Variants in GPC5 observed in about 807,000 individuals in gnomAD.
GPC5 encodes the protein glypican 5.
In GPC5, 47 loss-of-function variants were observed where a neutral mutation model predicts 53.9. That is an observed-to-expected ratio of 0.87 (90% CI 0.69 to 1.11). GPC5 has a LOEUF of 1.11. Among genes scored for constraint, GPC5 ranks in the 50% most tolerant of loss-of-function variants. The pLI is 0.00. For synonymous variants in GPC5, 286 were observed against 263.3 expected (o/e 1.09, Z -0.84); for missense variants, 748 against 713.1 (o/e 1.05, Z -0.56).
At chr13:91,955,127 T>A (rs1386290967) in intron 6 of GPC5, among the ~76,000 whole-genome samples, 1 of 152,150 alleles carries the variant, frequency 6.6e-6, no homozygotes, top group East Asian at 1.9e-4. Context: ...ACTAGAAAAC[T>A]CAATATTGTA....
In GPC5 at chr13:92,207,467, A is replaced by C. The variant is rs146512666; in HGVS notation, c.1561+62478A>C. Among the ~76,000 whole-genome samples, 1,441 of 152,326 alleles carry C rather than the reference A, an allele frequency of 9.5e-3. 22 individuals are homozygous for C. Among genetic ancestry groups the C allele is most frequent in the African/African-American group, 0.032 (1,332 of 41,570 alleles). ...AAAGTTGAGAACATGTGGGGAAAAG[A>C]AAAAAGTCTAGTCCTACACTATCTG... On this transcript the variant is annotated intron_variant, in intron 7 of 7. Coordinates refer to ENST00000377067, the MANE Select transcript of GPC5 (RefSeq NM_004466.6).
chr13:91,954,025 A>G (rs538058395), intron 6 of GPC5, among the ~76,000 whole-genome samples: 30 of 152,220 alleles, frequency 2.0e-4, no homozygotes, highest in Admixed American at 3.9e-4. Context: ...TTAGGAAAAA[A>G]AACTTTCTTA....
At chr13:91,478,795 T>TTATATATATATA (rs757436599) in intron 2 of GPC5, among the ~76,000 whole-genome samples, 4,122 of 54,544 alleles carry the variant, frequency 0.076, 182 homozygotes, top group Non-Finnish European at 0.096. Flanking sequence ...CCATTTGAGT[T>TTATATATATATA]TATATATATA....
intron 7 of GPC5, among the ~76,000 whole-genome samples, chr13:92,443,432 A>T (rs1877660033): frequency 6.6e-6 from 1 of 152,218 alleles, no homozygotes; most frequent in East Asian, 1.9e-4. Context: ...GATAAAATGG[A>T]TATAGAAACA....
chr13:91,654,694 A>G (rs1365499005), intron 2 of GPC5, among the ~76,000 whole-genome samples: 6 of 152,160 alleles, frequency 3.9e-5, no homozygotes, highest in African/African-American at 9.6e-5. Flanking sequence ...TACTATTGCA[A>G]ATTGTATTTA....
intron 4 of GPC5, among the ~76,000 whole-genome samples, chr13:91,747,377 A>G (rs140620236): frequency 2.0e-5 from 3 of 152,288 alleles, no homozygotes; most frequent in Admixed American, 6.5e-5. Context: ...AGCAATAACT[A>G]TGCTAGTCCA....
chr13:92,301,421 C>CTGAAA (rs2043074596), intron 7 of GPC5, among the ~76,000 whole-genome samples: 1 of 151,732 alleles, frequency 6.6e-6, no homozygotes, highest in Non-Finnish European at 1.5e-5. Context: ...TTAAAAAATA[C>CTGAAA]AGTAGCAAGA....
Position 91,908,583 on chromosome 13 carries a change from C to T in GPC5, c.1401+526C>T, listed in dbSNP as rs367827877. 2.0e-5 allele frequency among the ~76,000 whole-genome samples: 3 copies of T among 152,068 alleles called. No homozygotes were observed. In the East Asian group the frequency reaches 5.8e-4, roughly 29 times the overall value. ...TTATGAAATATTTCTGTTTTATCTTCAATAATGTTTTTCATCAAGTAGTGT... is the reference window on the plus strand; with the variant it reads ...TTATGAAATATTTCTGTTTTATCTTTAATAATGTTTTTCATCAAGTAGTGT... On this transcript the variant is annotated intron_variant, in intron 6 of 7. Transcript: ENST00000377067.
chr13:91,714,717 G>A (rs2036298541), intron 3 of GPC5, among the ~76,000 whole-genome samples: 2 of 151,952 alleles, frequency 1.3e-5, no homozygotes, highest in South Asian at 4.1e-4. Flanking sequence ...AGTTAGAGAA[G>A]CAAGCAAAAT....
At chr13:92,617,260 G>T (rs1038341325) in intron 7 of GPC5, among the ~76,000 whole-genome samples, 11 of 152,114 alleles carry the variant, frequency 7.2e-5, no homozygotes, top group Non-Finnish European at 1.6e-4. Flanking sequence ...CTCACAACAA[G>T]TATTGCCACC....
chr13:91,501,197 G>A (rs534072616), intron 2 of GPC5, among the ~76,000 whole-genome samples: 10 of 148,402 alleles, frequency 6.7e-5, no homozygotes, highest in East Asian at 2.0e-4. Context: ...GAAGTTATTC[G>A]TAACAGCAAC....
At chr13:91,914,932 G>T (rs1412647713) in intron 6 of GPC5, among the ~76,000 whole-genome samples, 2 of 152,130 alleles carry the variant, frequency 1.3e-5, no homozygotes, top group Non-Finnish European at 2.9e-5. Flanking sequence ...CATACCGAAT[G>T]AGTTAATCAT....
chr13:91,546,923 A>C (rs2030327452), intron 2 of GPC5, among the ~76,000 whole-genome samples: 1 of 152,090 alleles, frequency 6.6e-6, no homozygotes, highest in Admixed American at 6.6e-5. Flanking sequence ...AGCAGCAGTA[A>C]TCTTCCTTGG....
At chr13:92,769,800 C>T (rs1403766198) in intron 7 of GPC5, among the ~76,000 whole-genome samples, 1 of 152,200 alleles carries the variant, frequency 6.6e-6, no homozygotes, top group Non-Finnish European at 1.5e-5. Flanking sequence ...TCAGCTTAAA[C>T]AACTGAGCTA....
chr13:91,950,615 A>G (rs1363831623), intron 6 of GPC5, among the ~76,000 whole-genome samples: 1 of 152,146 alleles, frequency 6.6e-6, no homozygotes, highest in African/African-American at 2.4e-5. Context: ...AAAATACCAA[A>G]TTCCTGTGTT....
At chr13:92,347,912 A>ATGT (rs1491384861) in intron 7 of GPC5, among the ~76,000 whole-genome samples, 1 of 1,922 alleles carries the variant, frequency 5.2e-4, no homozygotes, top group Admixed American at 0.012. Flanking sequence ...ATATATATAT[A>ATGT]ATATATATAT....
chr13:92,250,395 A>G (rs907764477), intron 7 of GPC5, among the ~76,000 whole-genome samples: 3 of 152,144 alleles, frequency 2.0e-5, no homozygotes, highest in African/African-American at 7.2e-5. Flanking sequence ...AATTACGCTC[A>G]CAGCTGACAG....
At chr13:92,651,313 A>C (rs1885951051) in intron 7 of GPC5, among the ~76,000 whole-genome samples, 1 of 152,144 alleles carries the variant, frequency 6.6e-6, no homozygotes, top group Admixed American at 6.6e-5. Context: ...GATCAAGGTG[A>C]AAATCAACAG....
intron 7 of GPC5, among the ~76,000 whole-genome samples, chr13:92,293,422 CTTTTTTTTTTTTTT>C (rs748125673): frequency 3.9e-5 from 3 of 77,284 alleles, no homozygotes; most frequent in Non-Finnish European, 7.2e-5. Flanking sequence ...TGGTTGGTTT[CTTTTTTTTTTTTTT>C]TTTTTTTTTT....
Sources: gnomAD v4.1 joint callset for allele counts (sites outside exome capture counted in the v4.1 genomes callset) on GRCh38, gnomAD v4.1.1 for gene constraint, MANE v1.5 for transcripts, NCBI Gene and HGNC (gene_info 2026-07-23, HGNC 2026-07-21) for gene names.